Variants in DNAH8 observed in about 807,000 individuals in gnomAD.
DNAH8 encodes dynein axonemal heavy chain 8.
In DNAH8, 382 loss-of-function variants were observed where a neutral mutation model predicts 562.1. That is an observed-to-expected ratio of 0.68 (90% CI 0.63 to 0.74). The LOEUF is 0.74. DNAH8 is among the 30% of genes least tolerant of loss of function. The pLI is 0.00. For missense variants in DNAH8, 5,203 were observed against 5,620.4 expected (o/e 0.93, Z 2.37); for synonymous variants, 1,881 against 1,919.4 (o/e 0.98, Z 0.52).
intron 11 of DNAH8, among the ~76,000 whole-genome samples, chr6:38,766,849 A>G (rs777389488): frequency 7.9e-5 from 12 of 152,172 alleles, no homozygotes; most frequent in African/African-American, 1.2e-4. Context: ...TTATACCTCA[A>G]TAAAACTGGA....
intron 4 of DNAH8, among the ~76,000 whole-genome samples, chr6:38,733,207 T>A (rs1763792702): frequency 7.0e-6 from 1 of 143,274 alleles, no homozygotes; most frequent in African/African-American, 2.5e-5. Context: ...TCTATTTCTT[T>A]TATTACATTT....
intron 10 of DNAH8, among the ~76,000 whole-genome samples, chr6:38,757,396 A>T (rs1766024789): frequency 6.6e-6 from 1 of 151,338 alleles, no homozygotes; most frequent in African/African-American, 2.4e-5. Context: ...AATTTGTTTG[A>T]GTTCATTGTA....
intron 24 of DNAH8, among the ~76,000 whole-genome samples, chr6:38,811,824 T>G (rs1329376747): frequency 6.6e-6 from 1 of 152,212 alleles, no homozygotes; most frequent in Non-Finnish European, 1.5e-5. Flanking sequence ...TCTATGAGTT[T>G]CACTTTTGCC....
chr6:38,991,049 A>G (rs1333234987), intron 88 of DNAH8, among the ~76,000 whole-genome samples: 2 of 152,224 alleles, frequency 1.3e-5, no homozygotes, highest in Non-Finnish European at 2.9e-5. Flanking sequence ...CTACTGTTGT[A>G]ATTTTAATAA....
chr6:38,856,156 C>G (rs1776179988), intron 41 of DNAH8, among the ~76,000 whole-genome samples: 1 of 152,218 alleles, frequency 6.6e-6, no homozygotes, highest in Non-Finnish European at 1.5e-5. Flanking sequence ...TCTGCTTTCA[C>G]TTCTCTGAGG....
chr6:38,783,330 C>T (rs910789199), intron 17 of DNAH8, among the ~76,000 whole-genome samples, 191 bp downstream of exon 17: 1 of 152,160 alleles, frequency 6.6e-6, no homozygotes, highest in Non-Finnish European at 1.5e-5. Flanking sequence ...TGAAAATGAT[C>T]ATGACCTTGA....
At chr6:38,891,955 G>C (rs1426151564) in intron 58 of DNAH8, among the ~76,000 whole-genome samples, 1 of 152,092 alleles carries the variant, frequency 6.6e-6, no homozygotes, top group Non-Finnish European at 1.5e-5. Flanking sequence ...ACATCTCAAG[G>C]TTAATTTTCC....
At chr6:38,910,524 A>G (rs1780808863) in intron 65 of DNAH8, among the ~76,000 whole-genome samples, 1 of 152,138 alleles carries the variant, frequency 6.6e-6, no homozygotes, top group Non-Finnish European at 1.5e-5. Context: ...AGATCTCCCA[A>G]ATTCTCTTGG....
chr6:38,931,316 G>C (rs887433237), intron 75 of DNAH8: 1 of 151,966 alleles, frequency 6.6e-6, no homozygotes, highest in Non-Finnish European at 1.5e-5. Context: ...AAAAGTTGGC[G>C]TTTTTCCTTT....
At position 38,917,242 on chromosome 6, in the gene DNAH8, A is replaced by G. The variant is rs1206394844; in HGVS notation, c.10144A>G (p.Ile3382Val). The change falls in exon 69 of 93, where the codon ATC becomes GTC. Residue 3382 changes from isoleucine to valine, a missense_variant. Ile to Val is a conservative substitution (Grantham distance 29). This residue lies in a region of DNAH8 where 87 missense variants were observed against 144.9 expected (regional missense o/e 0.60). Coordinates refer to ENST00000327475, the MANE Select transcript of DNAH8 (RefSeq NM_001206927.2). ...LEEAEAALNT[I>V]KPNDIATVRK... ...TGATCCTTAATCCCAAATATAGACT[A>G]TCAAGCCAAATGATATTGCCACAGT... The G allele has an allele frequency of 2.5e-6, 4 of 1,607,726 alleles. No homozygotes were observed. Among genetic ancestry groups the G allele is most frequent in the African/African-American group, 1.3e-5 (1 of 74,648 alleles).
chr6:38,904,865 G>A (rs944951429), intron 62 of DNAH8, among the ~76,000 whole-genome samples: 7 of 151,356 alleles, frequency 4.6e-5, no homozygotes, highest in Non-Finnish European at 8.8e-5. Context: ...TATGCATGAC[G>A]ACACTTTCAG....
Position 38,913,848 on chromosome 6 carries a change from G to A in DNAH8, c.9860-1G>A, listed in dbSNP as rs781195067. 1 of 1,610,326 alleles carries A rather than the reference G, an allele frequency of 6.2e-7. No homozygotes were observed. The highest frequency in any genetic ancestry group is 8.5e-7 in the Non-Finnish European group (1 of 1,177,002). On this transcript the variant is annotated splice_acceptor_variant, in intron 66 of 92. Coordinates refer to ENST00000327475, the MANE Select transcript of DNAH8 (RefSeq NM_001206927.2). LOFTEE classifies it high-confidence loss of function. ...AGGTATATATGTGTGTATTTGTAAA[G>A]GTCTTGATAAACTAATGGAGGCAAG...
intron 57 of DNAH8, among the ~76,000 whole-genome samples, chr6:38,887,833 CTTTTTTTT>C (rs538279493): frequency 8.3e-6 from 1 of 120,870 alleles, no homozygotes; most frequent in Non-Finnish European, 1.7e-5. Flanking sequence ...AAAGGGCAGA[CTTTTTTTT>C]TTTTTTTTTT....
intron 91 of DNAH8, among the ~76,000 whole-genome samples, chr6:39,022,687 G>A (rs1253682612): frequency 2.0e-5 from 3 of 152,182 alleles, no homozygotes; most frequent in Admixed American, 6.5e-5. Context: ...AAACCTCTGG[G>A]GTCTTGTTTT....
chr6:38,752,591 T>A (rs996897551), intron 9 of DNAH8, among the ~76,000 whole-genome samples: 1 of 150,144 alleles, frequency 6.7e-6, no homozygotes, highest in Non-Finnish European at 1.5e-5. Flanking sequence ...CCAACCTTCT[T>A]GGGTCAATGT....
chr6:38,922,118 TGCA>T (rs1781757461), intron 71 of DNAH8, among the ~76,000 whole-genome samples: 1 of 151,266 alleles, frequency 6.6e-6, no homozygotes, highest in Non-Finnish European at 1.5e-5. Flanking sequence ...GATGTGTACA[TGCA>T]GGTCACAGGG....
At position 38,766,270 on chromosome 6, in the gene DNAH8, G is replaced by A. The variant is rs1029445387; in HGVS notation, c.1618-4143G>A. Among the ~76,000 whole-genome samples the A allele has an allele frequency of 1.1e-4, 17 of 152,026 alleles. 1 individual carries two copies. The highest frequency in any genetic ancestry group is 3.4e-4 in the African/African-American group (14 of 41,406). ...TATTTCATTATGCTAAGTGAAATAAGCCAGGCACAAAGACAAATACTGCCT... is the reference window on the plus strand; with the variant it reads ...TATTTCATTATGCTAAGTGAAATAAACCAGGCACAAAGACAAATACTGCCT... On this transcript the variant is annotated intron_variant, in intron 11 of 92. Transcript: ENST00000327475.
intron 92 of DNAH8, among the ~76,000 whole-genome samples, chr6:39,029,633 C>A (rs1299626283): frequency 6.6e-6 from 1 of 152,180 alleles, no homozygotes; most frequent in African/African-American, 2.4e-5. Context: ...CTGACTCTCC[C>A]GCTAGCTGGG....
chr6:38,828,033 G>A (rs1326131632), intron 29 of DNAH8, 151 bp from the exon 30 acceptor site: 2 of 586,148 alleles, frequency 3.4e-6, no homozygotes, highest in Non-Finnish European at 5.9e-6. Flanking sequence ...GAATCTAAAG[G>A]TGCTTTTCAT....
Sources: gnomAD v4.1 joint callset for allele counts (sites outside exome capture counted in the v4.1 genomes callset) on GRCh38, gnomAD v4.1.1 for gene constraint, gnomAD v4.1.1 regional missense constraint, MANE v1.5 for transcripts, NCBI Gene and HGNC (gene_info 2026-07-23, HGNC 2026-07-21) for gene names.